The following ATP11A variants were observed in gnomAD, a reference collection of about 807,000 sequenced individuals.
ATP11A encodes phospholipid-transporting ATPase IH.
Under a neutral mutation model 154.4 loss-of-function variants are expected in ATP11A, and 81 were observed. The ratio of observed to expected loss-of-function variants is 0.52; its 90% CI spans 0.44 to 0.63. ATP11A has a LOEUF of 0.63. Ranked by LOEUF, ATP11A falls within the 30% of genes least tolerant of loss-of-function variation. The pLI, the probability that ATP11A is intolerant of heterozygous loss-of-function variation, is 0.00. For missense variants in ATP11A, 1,316 were observed against 1,474.3 expected (o/e 0.89, Z 1.76); for synonymous variants, 623 against 585.9 (o/e 1.06, Z -0.91).
chr13:112,783,177 T>G (rs539957203), intron 1 of ATP11A, among the ~76,000 whole-genome samples: 9 of 152,190 alleles, frequency 5.9e-5, no homozygotes, highest in African/African-American at 2.2e-4. Flanking sequence ...TCTGAGAGGT[T>G]GGTAGGGGAG....
intron 1 of ATP11A, among the ~76,000 whole-genome samples, chr13:112,741,673 G>A (rs1037271644): frequency 2.0e-5 from 3 of 152,144 alleles, no homozygotes; most frequent in Admixed American, 6.5e-5. Context: ...CTCCTTAGTC[G>A]TTTGTTCCCG....
chr13:112,824,219 C>A, intron 9 of ATP11A, 125 bp from the exon 10 acceptor site: 1 of 739,212 alleles, frequency 1.4e-6, no homozygotes, highest in Non-Finnish European at 2.4e-6. Flanking sequence ...TGGACACTAG[C>A]TTATGAAATT....
intron 3 of ATP11A, 76 bp downstream of exon 3, chr13:112,805,122 A>G: frequency 1.8e-6 from 2 of 1,086,846 alleles, no homozygotes; most frequent in Non-Finnish European, 2.7e-6. Flanking sequence ...GGTAACTGCC[A>G]CACGGCTAAT....
chr13:112,836,781 C>T (rs976640827), intron 16 of ATP11A, among the ~76,000 whole-genome samples: 1 of 152,210 alleles, frequency 6.6e-6, no homozygotes, highest in Non-Finnish European at 1.5e-5. Context: ...TGAGCAGTGG[C>T]GGGGCACAGT....
intron 2 of ATP11A, among the ~76,000 whole-genome samples, chr13:112,788,035 A>ATCCACACCGG (rs2077704474): frequency 1.2e-4 from 4 of 33,654 alleles, no homozygotes; most frequent in Admixed American, 6.0e-4. Flanking sequence ...ATTCACACCA[A>ATCCACACCGG]GTGTCCTGAT....
chr13:112,709,121 G>C (rs1887471837), intron 1 of ATP11A, among the ~76,000 whole-genome samples: 1 of 152,176 alleles, frequency 6.6e-6, no homozygotes, highest in African/African-American at 2.4e-5. Context: ...CCAGCCCTCT[G>C]TGCCCCTCCT....
At chr13:112,855,860 A>T in intron 19 of ATP11A, 51 bp from the exon 20 acceptor site, 1 of 1,513,094 alleles carries the variant, frequency 6.6e-7, no homozygotes, top group South Asian at 1.3e-5. Context: ...GTCTTCTAAA[A>T]TCTATAGATT....
intron 1 of ATP11A, among the ~76,000 whole-genome samples, chr13:112,766,097 T>C (rs979933793): frequency 2.6e-5 from 4 of 152,034 alleles, no homozygotes; most frequent in African/African-American, 9.7e-5. Context: ...GAGGAAGGAA[T>C]AGTGGTGGAG....
intron 1 of ATP11A, among the ~76,000 whole-genome samples, chr13:112,762,681 G>A (rs1037598680): frequency 6.6e-6 from 1 of 152,178 alleles, no homozygotes; most frequent in Non-Finnish European, 1.5e-5. Context: ...AAATTCCATT[G>A]CTGTAAAGTC....
In ATP11A at chr13:112,836,197, T is replaced by G; in HGVS notation, c.1651T>G (p.Leu551Val). ...TTTCAGGTTTGAATTGCTGGAAATTTTGAGTTTTGACTCAGTCAGAAGGAG... is the reference window on the plus strand; with the variant it reads ...TTTCAGGTTTGAATTGCTGGAAATTGTGAGTTTTGACTCAGTCAGAAGGAG... Reference protein sequence around the residue: ...HIERFELLEILSFDSVRRRMS... With the variant: ...HIERFELLEIVSFDSVRRRMS... The change falls in exon 16 of 30, where the codon TTG becomes GTG. Residue 551 changes from leucine to valine, a missense_variant. Leu to Val is a conservative substitution (Grantham distance 32). Transcript: ENST00000375645. The G allele has an allele frequency of 6.2e-7, 1 of 1,612,954 alleles. No homozygotes were observed. Among genetic ancestry groups the G allele is most frequent in the East Asian group, 2.2e-5 (1 of 44,860 alleles).
chr13:112,702,222 T>C (rs1405968304), intron 1 of ATP11A, among the ~76,000 whole-genome samples: 1 of 151,436 alleles, frequency 6.6e-6, no homozygotes, highest in Non-Finnish European at 1.5e-5. Context: ...GGCGGGCACC[T>C]GTAATCCCAC....
At chr13:112,821,995 A>T (rs2078809174) in intron 8 of ATP11A, among the ~76,000 whole-genome samples, 1 of 152,226 alleles carries the variant, frequency 6.6e-6, no homozygotes, top group East Asian at 1.9e-4. Context: ...CCTGGGGTAG[A>T]CAGCCCCACT....
At chr13:112,771,172 A>C (rs1430522594) in intron 1 of ATP11A, among the ~76,000 whole-genome samples, 6 of 152,322 alleles carry the variant, frequency 3.9e-5, no homozygotes, top group African/African-American at 1.2e-4. Context: ...GGGCAGCCAC[A>C]ACCCAGGCCC....
intron 7 of ATP11A, 82 bp from the exon 8 acceptor site, chr13:112,819,818 A>T: frequency 8.1e-6 from 12 of 1,475,006 alleles, no homozygotes; most frequent in Non-Finnish European, 1.1e-5. Context: ...CGTGTGGCTC[A>T]CAGAAGGCAG....
intron 1 of ATP11A, among the ~76,000 whole-genome samples, chr13:112,774,420 A>G (rs543074718): frequency 6.6e-6 from 1 of 152,214 alleles, no homozygotes; most frequent in South Asian, 2.1e-4. Context: ...CCTGTTTATT[A>G]TATTTGGAGA....
intron 1 of ATP11A, among the ~76,000 whole-genome samples, chr13:112,707,528 C>T (rs1379637964): frequency 6.6e-6 from 1 of 151,868 alleles, no homozygotes; most frequent in Non-Finnish European, 1.5e-5. Flanking sequence ...TGAGAGCAGT[C>T]ATTGAAGCCG....
At chr13:112,862,668 A>G (rs569586958) in intron 25 of ATP11A, 93 bp downstream of exon 25, 2 of 1,536,744 alleles carry the variant, frequency 1.3e-6, no homozygotes, top group Admixed American at 1.8e-5. Flanking sequence ...AATTCAGTGC[A>G]GCCCATGCAG....
intron 1 of ATP11A, among the ~76,000 whole-genome samples, chr13:112,760,386 G>A (rs1454685638): frequency 6.6e-6 from 1 of 152,174 alleles, no homozygotes; most frequent in Non-Finnish European, 1.5e-5. Context: ...AGTAAGTTTA[G>A]CATTACCCAT....
At position 112,859,509 on chromosome 13, in the gene ATP11A, T is replaced by C. The variant is rs2080037771; in HGVS notation, c.2727+57T>C. 1 of 1,445,794 alleles carries C rather than the reference T, an allele frequency of 6.9e-7. No homozygotes were observed. The highest frequency in any genetic ancestry group is 9.7e-7 in the Non-Finnish European group (1 of 1,027,960). The allele number at this position is 1,445,794 out of a possible 1,614,324, so 89.6% of individuals were successfully genotyped here. ...CTGAGCCTTCTTTTCCTTCCCGCAG[T>C]GGGTGGCTGCTGTGGGGAGGGGAGA... On this transcript the variant is annotated intron_variant, in intron 23 of 29. Transcript: ENST00000375645. This position sits in a 1 kb window ranked among gnomAD's most constrained non-coding sequence, Gnocchi z 4.3.
Sources: allele counts gnomAD v4.1 joint callset (sites outside exome capture counted in the v4.1 genomes callset), GRCh38; gene constraint gnomAD v4.1.1; non-coding constraint Gnocchi (gnomAD v3.1); transcripts MANE v1.5; gene names NCBI Gene and HGNC (gene_info 2026-07-23, HGNC 2026-07-21).